Variants in TMEM131 observed in about 807,000 individuals in gnomAD.
TMEM131 encodes transmembrane protein 131.
TMEM131 carries 66 observed loss-of-function variants against 211.6 expected under a neutral mutation model. The observed-to-expected ratio is 0.31, with a 90% CI of 0.26 to 0.38. The LOEUF (loss-of-function observed/expected upper bound fraction) is 0.38, where lower values mean the gene tolerates loss of function less well. Ranked by LOEUF, TMEM131 falls within the 10% of genes least tolerant of loss-of-function variation. The probability of loss-of-function intolerance (pLI) is 1.00; values close to 1 mark genes in which losing one functional copy is unlikely to be tolerated. For synonymous variants in TMEM131, 844 were observed against 841.3 expected (o/e 1.00, Z -0.06); for missense variants, 2,036 against 2,299.3 (o/e 0.89, Z 2.34).
At chr2:97,793,732 T>A (rs1164459604) in intron 29 of TMEM131, among the ~76,000 whole-genome samples, 179 bp from the exon 30 acceptor site, 1 of 152,084 alleles carries the variant, frequency 6.6e-6, no homozygotes, top group Non-Finnish European at 1.5e-5. Flanking sequence ...CGGTAGCTCA[T>A]GCCTATAATC....
At chr2:97,926,061 G>A (rs1019063218) in intron 2 of TMEM131, among the ~76,000 whole-genome samples, 3 of 151,016 alleles carry the variant, frequency 2.0e-5, no homozygotes, top group Middle Eastern at 3.4e-3. Context: ...GTGGTGAGCC[G>A]AGATCGCGCC....
At chr2:97,908,554 AT>A in intron 3 of TMEM131, 103 bp downstream of exon 3, 1 of 801,266 alleles carries the variant, frequency 1.2e-6, no homozygotes. Flanking sequence ...ACAATTTGCT[AT>A]TCCTTCTTCA....
At chr2:97,962,514 T>C (rs1678866398) in intron 1 of TMEM131, among the ~76,000 whole-genome samples, 1 of 151,936 alleles carries the variant, frequency 6.6e-6, no homozygotes, top group Non-Finnish European at 1.5e-5. Flanking sequence ...AAAAAAAAAC[T>C]ATAATGAAAT....
intron 33 of TMEM131, among the ~76,000 whole-genome samples, chr2:97,768,396 A>G (rs548071333): frequency 3.3e-5 from 5 of 152,202 alleles, no homozygotes; most frequent in Non-Finnish European, 7.3e-5. Flanking sequence ...ATCTATTTTT[A>G]AGTGTGCGTG....
chr2:97,834,249 C>G (rs894623774), intron 10 of TMEM131, among the ~76,000 whole-genome samples: 1 of 152,142 alleles, frequency 6.6e-6, no homozygotes, highest in African/African-American at 2.4e-5. Flanking sequence ...AACATTTTGT[C>G]AAAATGTAAT....
At chr2:97,850,565 A>G (rs10206684) in intron 5 of TMEM131, among the ~76,000 whole-genome samples, 52,488 of 151,936 alleles carry the variant, frequency 0.35, 9,983 homozygotes, top group Middle Eastern at 0.49. Context: ...CATGGGTCTC[A>G]ATTTCTGATA....
intron 34 of TMEM131, 95 bp downstream of exon 34, chr2:97,766,380 AACT>A (rs1455636412): frequency 4.2e-5 from 67 of 1,599,036 alleles, no homozygotes; most frequent in Non-Finnish European, 5.6e-5. Context: ...CATGACTAAT[AACT>A]ACTGACTGCT....
intron 1 of TMEM131, among the ~76,000 whole-genome samples, chr2:97,995,109 G>A (rs1449657721): frequency 6.6e-6 from 1 of 152,220 alleles, no homozygotes; most frequent in Non-Finnish European, 1.5e-5. Flanking sequence ...TTTAAAGTAA[G>A]CTCTGTCTGC....
At position 97,792,924 on chromosome 2, in the gene TMEM131, T is replaced by A. The variant is rs998784136; in HGVS notation, c.3606A>T (p.Ser1202=). The A allele has an allele frequency of 6.2e-7, 1 of 1,611,142 alleles. No individual in the cohort carries two copies. The highest frequency in any genetic ancestry group is 8.5e-7 in the Non-Finnish European group (1 of 1,179,198). Residue 1202 remains serine, a synonymous_variant, in exon 31 of 41, where the codon TCA becomes TCT. Coordinates refer to ENST00000186436, the MANE Select transcript of TMEM131 (RefSeq NM_015348.2). The part of the protein sequence containing the change: ...HSRGFCGAGG[S]SSRPSAGSHK... Reference sequence around the variant, plus strand: ...GACTCCCGGCACTGGGTCGGGATGATGAACCGCCTGCTCCACAGAACCCCC... The same window carrying A: ...GACTCCCGGCACTGGGTCGGGATGAAGAACCGCCTGCTCCACAGAACCCCC...
At chr2:97,758,847 G>A in intron 40 of TMEM131, 46 bp downstream of exon 40, 5 of 1,567,044 alleles carry the variant, frequency 3.2e-6, no homozygotes, top group Non-Finnish European at 4.3e-6. Context: ...CAGATGGCGA[G>A]TGGGTGGGCC....
At chr2:97,889,615 A>C (rs144801339) in intron 3 of TMEM131, among the ~76,000 whole-genome samples, 1 of 149,540 alleles carries the variant, frequency 6.7e-6, no homozygotes, top group African/African-American at 2.4e-5. Context: ...TATATAATAT[A>C]TAATTCCTAT....
At chr2:97,895,143 C>T (rs917865176) in intron 3 of TMEM131, among the ~76,000 whole-genome samples, 3 of 152,084 alleles carry the variant, frequency 2.0e-5, no homozygotes, top group Admixed American at 6.6e-5. Context: ...TGGTTTTTGT[C>T]GTTGGTTCTG....
intron 31 of TMEM131, among the ~76,000 whole-genome samples, chr2:97,776,802 G>T (rs376405816): frequency 6.6e-6 from 1 of 152,186 alleles, no homozygotes; most frequent in Non-Finnish European, 1.5e-5. Flanking sequence ...CATAATGGCT[G>T]GGTGCAAACC....
intron 1 of TMEM131, among the ~76,000 whole-genome samples, chr2:97,941,101 G>C (rs922880491): frequency 6.6e-6 from 1 of 152,154 alleles, no homozygotes; most frequent in South Asian, 2.1e-4. Context: ...AACCAAAACA[G>C]CATGGTACTG....
At chr2:97,897,355 A>G (rs1173460102) in intron 3 of TMEM131, among the ~76,000 whole-genome samples, 1 of 152,076 alleles carries the variant, frequency 6.6e-6, no homozygotes, top group Non-Finnish European at 1.5e-5. Context: ...CACTTTCCCA[A>G]TCTTAGAAAG....
chr2:97,967,698 T>C (rs975124215), intron 1 of TMEM131, among the ~76,000 whole-genome samples: 3 of 152,130 alleles, frequency 2.0e-5, no homozygotes, highest in African/African-American at 7.2e-5. Context: ...AACCAAAAGT[T>C]TAACCTCTTC....
rs987008419 is a variant in TMEM131, at chr2:97,818,696, T to A, written c.1100A>T (p.Asp367Val). The change falls in exon 12 of 41, where the codon GAT becomes GTT. Residue 367 changes from aspartate (D) to valine (V), a missense_variant. By Grantham distance (152) the Asp-to-Val change is radical. Transcript: ENST00000186436. ...ITSVRPTPQNDAITVHFKPIT... is the reference protein window; with the variant it reads ...ITSVRPTPQNVAITVHFKPIT... ...TGGTTTAAAGTGTACCGTTATAGCA[T>A]CATTTTGTGGTGTAGGTCGAACACT... The A allele has an allele frequency of 1.9e-6, 3 of 1,605,956 alleles. No individual in the cohort carries two copies. The highest frequency in any genetic ancestry group is 1.1e-5 in the South Asian group (1 of 89,730).
At position 97,760,866 on chromosome 2, in the gene TMEM131, C is replaced by T. The variant is rs375244518; in HGVS notation, c.4938G>A (p.Lys1646=). ...QPNGSKHKLT[K]AASLPGKNGN... Reference sequence around the variant, plus strand: ...CGTTCTTGCCCGGGAGCGAGGCTGCCTTTGTCAACTTGTGTTTGCTTCCAT... The same window carrying T: ...CGTTCTTGCCCGGGAGCGAGGCTGCTTTTGTCAACTTGTGTTTGCTTCCAT... Residue 1646 remains lysine (K), a synonymous_variant, in exon 37 of 41, where the codon AAG becomes AAA. Transcript: ENST00000186436. The T allele has an allele frequency of 6.2e-7, 1 of 1,613,932 alleles. No individual in the cohort carries two copies. Among genetic ancestry groups the T allele is most frequent in the Non-Finnish European group, 8.5e-7 (1 of 1,179,910 alleles).
At chr2:97,829,743 C>G (rs1028030790) in intron 11 of TMEM131, among the ~76,000 whole-genome samples, 5 of 152,174 alleles carry the variant, frequency 3.3e-5, no homozygotes, top group Non-Finnish European at 7.3e-5. Context: ...CTTCATTCTT[C>G]AAGTCAGAGA....
Sources: gnomAD v4.1 joint callset for allele counts (sites outside exome capture counted in the v4.1 genomes callset) on GRCh38, gnomAD v4.1.1 for gene constraint, MANE v1.5 for transcripts, NCBI Gene and HGNC (gene_info 2026-07-23, HGNC 2026-07-21) for gene names.